EVC2: variants seen among roughly 807,000 people sequenced by gnomAD.
EVC2 encodes the protein limbin.
Under a neutral mutation model 149.3 loss-of-function variants are expected in EVC2, and 148 were observed. The observed-to-expected ratio is 0.99, with a 90% CI of 0.87 to 1.14. EVC2 has a LOEUF of 1.14. Ranked by LOEUF, EVC2 falls within the 50% of genes most tolerant of loss-of-function variation. EVC2 has a pLI of 0.00. For missense variants in EVC2, 1,854 were observed against 1,627.3 expected, an observed-to-expected ratio of 1.14 and a Z score of -2.40; for synonymous variants, 776 against 649.9, an observed-to-expected ratio of 1.19 and a Z score of -2.95.
rs1721461963 is a variant in EVC2, at chr4:5,696,116, A to C, written c.283+1477T>G. ...ATGTCTGAGTAGAGCATATGGGTGCAAGTGAGACCGGACATCCATCTCCGG... is the reference window on the plus strand; with the variant it reads ...ATGTCTGAGTAGAGCATATGGGTGCCAGTGAGACCGGACATCCATCTCCGG... On this transcript the variant is annotated intron_variant, in intron 2 of 21. Transcript: ENST00000344408. This position sits in a 1 kb window ranked among gnomAD's most constrained non-coding sequence, Gnocchi z 4.1. 6.6e-6 allele frequency among the ~76,000 whole-genome samples: 1 copy of C among 152,174 alleles called. No homozygotes were observed. Among genetic ancestry groups the C allele is most frequent in the African/African-American group, 2.4e-5 (1 of 41,450 alleles).
At chr4:5,690,409 T>A (rs1244819624) in intron 4 of EVC2, among the ~76,000 whole-genome samples, 2 of 151,670 alleles carry the variant, frequency 1.3e-5, no homozygotes, top group African/African-American at 4.9e-5. Context: ...GTTGTTGTTT[T>A]TTTTTTTTTT....
chr4:5,543,089 A>C (rs1184064122), exon 22 of EVC2: 1 of 1,252,376 alleles, frequency 8.0e-7, no homozygotes, highest in Non-Finnish European at 1.0e-6. Flanking sequence ...GCTCAGTCCG[A>C]GGTAACTCAT....
Position 5,625,298 on chromosome 4 carries a change from C to G in EVC2, c.2046+451G>C, listed in dbSNP as rs1716019986. On this transcript the variant is annotated intron_variant, in intron 13 of 21. Coordinates refer to ENST00000344408, the MANE Select transcript of EVC2 (RefSeq NM_147127.5). This position sits in a 1 kb window ranked among gnomAD's most constrained non-coding sequence, Gnocchi z 4.0. ...TGCGTGCCACTTACTAGATATTTGA[C>G]CTTGACCATACACACACACACACAC... Among the ~76,000 whole-genome samples, 1 of 143,330 alleles carries G rather than the reference C, an allele frequency of 7.0e-6. No individual in the cohort carries two copies. Among genetic ancestry groups the G allele is most frequent in the Non-Finnish European group, 1.5e-5 (1 of 66,484 alleles). The allele number at this position is 143,330 out of a possible 152,430, so 94.0% of individuals were successfully genotyped here. A position where few individuals can be genotyped will look rare whatever the true frequency, so the allele number is the denominator to read the frequency against.
intron 16 of EVC2, among the ~76,000 whole-genome samples, chr4:5,595,594 G>T (rs1267687461): frequency 6.6e-6 from 1 of 152,140 alleles, no homozygotes; most frequent in African/African-American, 2.4e-5. Context: ...GGAACAACTG[G>T]TACCAGCCAC....
chr4:5,592,470 C>A (rs1470818652), intron 16 of EVC2, among the ~76,000 whole-genome samples: 1 of 152,248 alleles, frequency 6.6e-6, no homozygotes, highest in African/African-American at 2.4e-5. Context: ...AGGAGAGAGC[C>A]CCGCCAAATA....
rs1722373366 is a variant in EVC2 at position 5,567,675 on chromosome 4, C to T, written c.3557+769G>A. ...AATGACCAAATTCACACCTGGGGCC[C>T]CATCCTAAAGGAGACTGTCTATGCA... On this transcript the variant is annotated intron_variant, in intron 20 of 21. Transcript: ENST00000344408. The surrounding 1 kb of genome is among the most constrained non-coding windows in gnomAD (Gnocchi z 4.4). 6.6e-6 allele frequency among the ~76,000 whole-genome samples: 1 copy of T among 151,928 alleles called. No individual in the cohort carries two copies.
chr4:5,704,590 G>A (rs1722021259), intron 1 of EVC2, among the ~76,000 whole-genome samples: 1 of 152,150 alleles, frequency 6.6e-6, no homozygotes, highest in Admixed American at 6.5e-5. Flanking sequence ...ACTGACAGAA[G>A]GAAGAAGAGA....
At position 5,631,992 on chromosome 4, in the gene EVC2, C is replaced by A; in HGVS notation, c.1511G>T (p.Gly504Val). ...ECSNLLRTLH[G>V]LEQEHLRKSL... ...CTTCCTCAAGTGCTCCTGTTCCAGG[C>A]CATGGAGGGTCCGCAGAAGGTTGCT... Residue 504 changes from glycine (G) to valine (V), a missense_variant, in exon 11 of 22, where the codon GGC (glycine) becomes GTC (valine). Gly to Val is a moderately radical substitution (Grantham distance 109). Coordinates refer to ENST00000344408, the MANE Select transcript of EVC2 (RefSeq NM_147127.5). 6.2e-7 allele frequency: 1 copy of A among 1,614,180 alleles called. No homozygotes were observed. The highest frequency in any genetic ancestry group is 1.1e-5 in the South Asian group (1 of 91,082).
At position 5,689,275 on chromosome 4, in the gene EVC2, C is replaced by T. The variant is rs566778000; in HGVS notation, c.588G>A (p.Ser196=). The T allele has an allele frequency of 1.3e-4, 204 of 1,614,072 alleles. 1 individual carries two copies. The Middle Eastern group carries it at 1.5e-3, about 12-fold the overall frequency. The stretch of plus-strand genomic sequence containing the variant: ...AGAGCAGCTCCGAGAGGTTGGCTGA[C>T]GAGGTTGTCTTGGTGTTGTTAACAA... ...WLLVNNTKTT[S]SANLSELLLL... The change falls in exon 5 of 22, where the codon TCG becomes TCA. Residue 196 remains serine, a synonymous_variant. Transcript: ENST00000344408.
intron 10 of EVC2, among the ~76,000 whole-genome samples, chr4:5,635,695 C>T (rs778144862): frequency 1.9e-4 from 29 of 152,140 alleles, no homozygotes; most frequent in Non-Finnish European, 3.7e-4. Flanking sequence ...AAAACAAATC[C>T]ATCAGAAACG....
rs71171407 is a variant in EVC2, at chr4:5,625,307, TACACACACACACACACACAC to T, written c.2046+422_2046+441del. On this transcript the variant is annotated intron_variant, in intron 13 of 21. Transcript: ENST00000344408. The surrounding 1 kb of genome is among the most constrained non-coding windows in gnomAD (Gnocchi z 4.0). ...CTTACTAGATATTTGACCTTGACCA[TACACACACACACACACACAC>T]ACACACACACACACACACACAAACC... Among the ~76,000 whole-genome samples, 2 of 139,792 alleles carry T rather than the reference TACACACACACACACACACAC, an allele frequency of 1.4e-5. No individual in the cohort carries two copies. Among genetic ancestry groups the T allele is most frequent in the Non-Finnish European group, 3.2e-5 (2 of 63,274 alleles). The allele number at this position is 139,792 out of a possible 152,430, so 91.7% of individuals were successfully genotyped here.
At chr4:5,702,033 T>C (rs1721858267) in intron 1 of EVC2, among the ~76,000 whole-genome samples, 1 of 152,112 alleles carries the variant, frequency 6.6e-6, no homozygotes, top group African/African-American at 2.4e-5. Context: ...TTCTCACCCC[T>C]GCCACGGGGG....
chr4:5,678,968 T>C (rs1346948651), intron 7 of EVC2, among the ~76,000 whole-genome samples: 3 of 151,180 alleles, frequency 2.0e-5, no homozygotes, highest in Non-Finnish European at 4.4e-5. Flanking sequence ...GAGGCAGAGG[T>C]TGCAGTGAGC....
At chr4:5,700,817 C>A (rs1184070174) in intron 1 of EVC2, among the ~76,000 whole-genome samples, 1 of 152,240 alleles carries the variant, frequency 6.6e-6, no homozygotes, top group Non-Finnish European at 1.5e-5. Flanking sequence ...CAGCTCCTGT[C>A]GAGGTCACCA....
At chr4:5,685,703 C>T (rs1291369081) in intron 5 of EVC2, among the ~76,000 whole-genome samples, 1 of 152,192 alleles carries the variant, frequency 6.6e-6, no homozygotes, top group African/African-American at 2.4e-5. Flanking sequence ...GGGTGGACTC[C>T]TGGACTCCCA....
At chr4:5,650,331 G>A (rs1011373849) in intron 9 of EVC2, among the ~76,000 whole-genome samples, 3 of 151,892 alleles carry the variant, frequency 2.0e-5, no homozygotes, top group Non-Finnish European at 4.4e-5. Context: ...TCCTTCCTGC[G>A]CTTCCCTCCT....
chr4:5,571,639 G>GCTTC (rs1722651333), intron 19 of EVC2, among the ~76,000 whole-genome samples: 1 of 152,116 alleles, frequency 6.6e-6, no homozygotes, highest in Non-Finnish European at 1.5e-5. Flanking sequence ...GGAGGACTGA[G>GCTTC]CTTCCCTGAT....
intron 15 of EVC2, among the ~76,000 whole-genome samples, chr4:5,615,830 G>A (rs920309758): frequency 2.6e-5 from 4 of 152,206 alleles, no homozygotes; most frequent in African/African-American, 9.7e-5. Flanking sequence ...CCCAAGGCGT[G>A]TCCACCTCCT....
intron 9 of EVC2, among the ~76,000 whole-genome samples, chr4:5,654,539 T>A (rs73198196): frequency 0.14 from 21,537 of 152,160 alleles, 1,591 homozygotes; most frequent in Middle Eastern, 0.18. Context: ...TTTCCAAGGG[T>A]TTCCTCCAAT....
Sources: gnomAD v4.1 joint callset for allele counts (sites outside exome capture counted in the v4.1 genomes callset) on GRCh38, gnomAD v4.1.1 for gene constraint, Gnocchi (gnomAD v3.1) non-coding constraint, MANE v1.5 for transcripts, NCBI Gene and HGNC (gene_info 2026-07-23, HGNC 2026-07-21) for gene names.